The following MTF1 variants were observed in gnomAD, a reference collection of about 807,000 sequenced individuals.
The protein encoded by MTF1 is metal regulatory transcription factor 1.
In MTF1, 22 loss-of-function variants were observed where a neutral mutation model predicts 70.4. That is an observed-to-expected ratio of 0.31 (90% confidence interval 0.22 to 0.45). The LOEUF (loss-of-function observed/expected upper bound fraction) is 0.45, where lower values mean the gene tolerates loss of function less well. Among genes scored for constraint, MTF1 ranks in the 20% least tolerant of loss-of-function variants. MTF1 has a pLI of 1.00. For synonymous variants in MTF1, 333 were observed against 352.8 expected (o/e 0.94, Z 0.63); for missense variants, 649 against 922.0 (o/e 0.70, Z 3.83).
chr1:37,858,119 T>C (rs1641529504), intron 1 of MTF1, among the ~76,000 whole-genome samples: 1 of 151,858 alleles, frequency 6.6e-6, no homozygotes, highest in Non-Finnish European at 1.5e-5. Context: ...TGAAACTTGG[T>C]CAAAATATTT....
At chr1:37,859,448 TG>T (rs1641568185) in intron 1 of MTF1, 82 bp downstream of exon 1, 1 of 398,412 alleles carries the variant, frequency 2.5e-6, no homozygotes, top group South Asian at 1.3e-4. Context: ...AGGTCTCTAT[TG>T]GGAAATGCTT....
chr1:37,820,504 T>C (rs950221121), intron 9 of MTF1, among the ~76,000 whole-genome samples: 5 of 152,238 alleles, frequency 3.3e-5, no homozygotes, highest in Non-Finnish European at 7.3e-5. Flanking sequence ...TTGGGAAAAT[T>C]AGACCTACCT....
chr1:37,852,202 TA>T (rs1641427181), intron 2 of MTF1, among the ~76,000 whole-genome samples: 1 of 152,198 alleles, frequency 6.6e-6, no homozygotes, highest in African/African-American at 2.4e-5. Context: ...CTCCCTTAAG[TA>T]AACTACCCAC....
chr1:37,848,743 A>C (rs140044718), intron 2 of MTF1, among the ~76,000 whole-genome samples: 1 of 152,368 alleles, frequency 6.6e-6, no homozygotes. Flanking sequence ...ATATGGGGGT[A>C]AATGGAAAAT....
intron 2 of MTF1, among the ~76,000 whole-genome samples, chr1:37,854,625 A>T (rs1174486754): frequency 6.6e-6 from 1 of 152,204 alleles, no homozygotes; most frequent in Non-Finnish European, 1.5e-5. Flanking sequence ...TTCCAACTAT[A>T]AGCTAACAGT....
At position 37,831,178 on chromosome 1, in the gene MTF1, C is replaced by G. The variant is rs76831089; in HGVS notation, c.1068+1067G>C. Among the ~76,000 whole-genome samples the G allele has an allele frequency of 4.0e-3, 607 of 152,132 alleles. 7 individuals are homozygous for G. Among genetic ancestry groups the G allele is most frequent in the Non-Finnish European group, 2.7e-3 (184 of 67,998 alleles). ...TCCACAGTTGTTTTTTATATTTTGT[C>G]TAGAATTTTTAGCTGTTTTCTGCGG... On this transcript the variant is annotated intron_variant, in intron 7 of 10. Coordinates refer to ENST00000373036, the MANE Select transcript of MTF1 (RefSeq NM_005955.3).
At chr1:37,843,399 A>C (rs922176845) in intron 2 of MTF1, among the ~76,000 whole-genome samples, 5 of 152,168 alleles carry the variant, frequency 3.3e-5, no homozygotes, top group African/African-American at 1.2e-4. Context: ...GAAAATAAAG[A>C]AGAGCAAGAT....
chr1:37,827,665 C>A (rs924665758), intron 7 of MTF1, among the ~76,000 whole-genome samples: 3 of 152,016 alleles, frequency 2.0e-5, no homozygotes, highest in African/African-American at 7.2e-5. Context: ...CTCGGCCTCC[C>A]AAAGTGCTGG....
intron 2 of MTF1, among the ~76,000 whole-genome samples, chr1:37,854,753 A>T (rs983238483): frequency 5.9e-5 from 9 of 152,168 alleles, no homozygotes; most frequent in Non-Finnish European, 1.2e-4. Context: ...ACTGCGCTCA[A>T]CTGCAGATTT....
At chr1:37,818,500 C>T (rs1001834071) in intron 9 of MTF1, among the ~76,000 whole-genome samples, 8 of 151,232 alleles carry the variant, frequency 5.3e-5, no homozygotes, top group African/African-American at 1.7e-4. Context: ...GTCAGGAGAT[C>T]GAGACCATCC....
rs763554034 is a variant in MTF1 at position 37,840,512 on chromosome 1, A to T, written c.409-354T>A. 4.3e-6 allele frequency: 2 copies of T among 467,142 alleles called. No homozygotes were observed. The highest frequency in any genetic ancestry group is 3.1e-5 in the South Asian group (2 of 64,558). 28.9% of individuals were successfully genotyped at this position (467,142 alleles called of 1,614,324 possible). A position where few individuals can be genotyped will look rare whatever the true frequency, so the allele number is the denominator to read the frequency against. On this transcript the variant is annotated intron_variant, in intron 2 of 10. Coordinates refer to ENST00000373036, the MANE Select transcript of MTF1 (RefSeq NM_005955.3). This position sits in a 1 kb window ranked among gnomAD's most constrained non-coding sequence, Gnocchi z 4.5. ...TTAACTTTGTTTTAAGGCTTGACTAAACACCCTGACCTCCAGAACTACAAC... is the reference window on the plus strand; with the variant it reads ...TTAACTTTGTTTTAAGGCTTGACTATACACCCTGACCTCCAGAACTACAAC...
chr1:37,841,260 T>A (rs901300145), intron 2 of MTF1: 1 of 154,974 alleles, frequency 6.5e-6, no homozygotes, highest in Non-Finnish European at 1.4e-5. Flanking sequence ...CAAGGGGCCA[T>A]GATCCTGGTC....
chr1:37,849,667 C>T (rs1641385429), intron 2 of MTF1, among the ~76,000 whole-genome samples: 1 of 152,084 alleles, frequency 6.6e-6, no homozygotes, highest in South Asian at 2.1e-4. Context: ...GGTAACTAGA[C>T]CGTCCTGGCA....
At chr1:37,857,058 T>C (rs1641509043) in intron 2 of MTF1, among the ~76,000 whole-genome samples, 193 bp downstream of exon 2, 2 of 152,214 alleles carry the variant, frequency 1.3e-5, no homozygotes, top group African/African-American at 4.8e-5. Flanking sequence ...TATTCCCAAA[T>C]TTCAATGTGG....
Position 37,834,949 on chromosome 1 carries a change from G to A in MTF1, c.990+130C>T, listed in dbSNP as rs553010943. ...GGTTAAATACACAAGTCAAGACACTGATCTTGACCCTGACTTCTTCCCGCT... is the reference window on the plus strand; with the variant it reads ...GGTTAAATACACAAGTCAAGACACTAATCTTGACCCTGACTTCTTCCCGCT... On this transcript the variant is annotated intron_variant, in intron 6 of 10. Coordinates refer to ENST00000373036, the MANE Select transcript of MTF1 (RefSeq NM_005955.3). 18 of 947,916 alleles carry A rather than the reference G, an allele frequency of 1.9e-5. No homozygotes were observed. In the South Asian group the frequency reaches 2.8e-4, roughly 15 times the overall value. 58.7% of individuals were successfully genotyped at this position (947,916 alleles called of 1,614,324 possible). A position where few individuals can be genotyped will look rare whatever the true frequency, so the allele number is the denominator to read the frequency against.
chr1:37,818,435 T>C (rs1310220811), intron 9 of MTF1, among the ~76,000 whole-genome samples: 1 of 152,254 alleles, frequency 6.6e-6, no homozygotes, highest in Non-Finnish European at 1.5e-5. Flanking sequence ...CCAGGCGCAG[T>C]GGCTCACGCC....
At chr1:37,851,068 C>T (rs1010201384) in intron 2 of MTF1, among the ~76,000 whole-genome samples, 2 of 152,076 alleles carry the variant, frequency 1.3e-5, no homozygotes, top group African/African-American at 4.8e-5. Context: ...ATTTTAATGC[C>T]AAAATAAAAT....
chr1:37,827,900 G>C (rs1302970488), intron 7 of MTF1, among the ~76,000 whole-genome samples: 1 of 152,120 alleles, frequency 6.6e-6, no homozygotes, highest in Non-Finnish European at 1.5e-5. Flanking sequence ...ATGGGCTTGT[G>C]TGCCTCCAAA....
chr1:37,820,129 G>GC (rs1640888963), intron 9 of MTF1, among the ~76,000 whole-genome samples: 1 of 152,132 alleles, frequency 6.6e-6, no homozygotes, highest in African/African-American at 2.4e-5. Context: ...AATGACTCTA[G>GC]CTATCTAGAA....
Sources: gnomAD v4.1 joint callset for allele counts (sites outside exome capture counted in the v4.1 genomes callset) on GRCh38, gnomAD v4.1.1 for gene constraint, Gnocchi (gnomAD v3.1) non-coding constraint, MANE v1.5 for transcripts, NCBI Gene and HGNC (gene_info 2026-07-23, HGNC 2026-07-21) for gene names.